The following GK5 variants were observed in gnomAD, a reference collection of about 807,000 sequenced individuals.
GK5 encodes glycerol kinase 5, also known as ATP:glycerol 3-phosphotransferase 5.
A neutral mutation model predicts 77.3 loss-of-function variants in GK5; 39 were observed. The ratio of observed to expected loss-of-function variants is 0.50; its 90% confidence interval spans 0.39 to 0.66. GK5 has a LOEUF of 0.66. Among genes scored for constraint, GK5 ranks in the 30% least tolerant of loss-of-function variants. GK5 has a pLI of 0.00. For synonymous variants in GK5, 211 were observed against 208.0 expected (o/e 1.01, Z -0.13); for missense variants, 487 against 633.8 (o/e 0.77, Z 2.49).
intron 3 of GK5, among the ~76,000 whole-genome samples, chr3:142,213,284 G>C (rs1051477770): frequency 6.8e-6 from 1 of 147,470 alleles, no homozygotes; most frequent in South Asian, 2.1e-4. Flanking sequence ...TAACTTACCC[G>C]AAAGAAAGAA....
intron 3 of GK5, among the ~76,000 whole-genome samples, chr3:142,208,388 G>A (rs1328024065): frequency 2.6e-5 from 4 of 152,076 alleles, no homozygotes; most frequent in Non-Finnish European, 2.9e-5. Context: ...ATTTTCTCCT[G>A]TTTTCTTCTA....
chr3:142,202,195 T>C (rs954937550), intron 4 of GK5, among the ~76,000 whole-genome samples: 3 of 152,052 alleles, frequency 2.0e-5, no homozygotes, highest in African/African-American at 7.2e-5. Context: ...CAAACCTTGG[T>C]AAGGAGTTGG....
At chr3:142,200,324 C>T (rs2064001460) in intron 4 of GK5, among the ~76,000 whole-genome samples, 1 of 152,152 alleles carries the variant, frequency 6.6e-6, no homozygotes, top group South Asian at 2.1e-4. Context: ...TGGATCACCA[C>T]GCCTGGGTAA....
intron 5 of GK5, among the ~76,000 whole-genome samples, chr3:142,194,383 G>A (rs1379914942): frequency 6.6e-6 from 1 of 152,094 alleles, no homozygotes; most frequent in Non-Finnish European, 1.5e-5. Context: ...AAAGTTAGCT[G>A]GGCGTTGTGG....
chr3:142,186,628 T>TTA, intron 6 of GK5, 115 bp from the exon 7 acceptor site: 20 of 475,378 alleles, frequency 4.2e-5, no homozygotes, highest in East Asian at 7.2e-5. Flanking sequence ...AATGTGTATT[T>TTA]TCTTTTTTTT....
chr3:142,178,735 C>T (rs879466094), intron 11 of GK5, among the ~76,000 whole-genome samples: 2 of 152,150 alleles, frequency 1.3e-5, no homozygotes, highest in Non-Finnish European at 2.9e-5. Context: ...CATTCATGTA[C>T]ATTATTTTTG....
intron 9 of GK5, 25 bp from the exon 10 acceptor site, chr3:142,183,074 C>A: frequency 6.2e-7 from 1 of 1,611,386 alleles, no homozygotes; most frequent in Non-Finnish European, 8.5e-7. Flanking sequence ...CAAATGTAAA[C>A]CCATTGCCCT....
intron 15 of GK5, among the ~76,000 whole-genome samples, chr3:142,169,162 G>A (rs529471453): frequency 6.6e-6 from 1 of 152,226 alleles, no homozygotes; most frequent in South Asian, 2.1e-4. Flanking sequence ...CTCCACAAAC[G>A]TTGTTCAATA....
At chr3:142,172,749 A>C (rs2063555286) in intron 12 of GK5, among the ~76,000 whole-genome samples, 1 of 152,260 alleles carries the variant, frequency 6.6e-6, no homozygotes, top group Non-Finnish European at 1.5e-5. Flanking sequence ...TGGAAAATGA[A>C]GAGCAATCAC....
chr3:142,196,953 C>T (rs1315477047), intron 5 of GK5, among the ~76,000 whole-genome samples: 4 of 151,960 alleles, frequency 2.6e-5, no homozygotes, highest in African/African-American at 4.8e-5. Flanking sequence ...TTTGGGAGGC[C>T]GAGGCAGGTG....
At chr3:142,168,941 C>T (rs1422884781) in intron 15 of GK5, among the ~76,000 whole-genome samples, 2 of 152,174 alleles carry the variant, frequency 1.3e-5, no homozygotes, top group African/African-American at 4.8e-5. Flanking sequence ...ACCCTCTCCT[C>T]ACCTGACTCT....
Position 142,162,098 on chromosome 3 carries a change from C to G in GK5, c.*3524G>C, listed in dbSNP as rs1172954185. On this transcript the variant is annotated 3_prime_UTR_variant, in exon 16 of 16. Coordinates refer to ENST00000392993, the MANE Select transcript of GK5 (RefSeq NM_001039547.3). ...TACAGGTGTGAGCCACTGTGCCCAGCTGAGATTTATTTTTTCTTTATTAAT... is the reference window on the plus strand; with the variant it reads ...TACAGGTGTGAGCCACTGTGCCCAGGTGAGATTTATTTTTTCTTTATTAAT... The G allele has an allele frequency of 1.3e-5, 2 of 152,156 alleles. No homozygotes were observed. The highest frequency in any genetic ancestry group is 4.8e-5 in the African/African-American group (2 of 41,438). The allele number at this position is 152,156 out of a possible 1,614,324, so 9.4% of individuals were successfully genotyped here.
intron 2 of GK5, among the ~76,000 whole-genome samples, chr3:142,214,452 T>G (rs1348567191): frequency 1.3e-5 from 2 of 152,182 alleles, no homozygotes; most frequent in Non-Finnish European, 2.9e-5. Flanking sequence ...AATCTATTTA[T>G]CCCACCGGGA....
rs573042635 is a variant in GK5, at chr3:142,173,781, G to A, written c.1144-1325C>T. Among the ~76,000 whole-genome samples, 33 of 152,294 alleles carry A rather than the reference G, an allele frequency of 2.2e-4. No homozygotes were observed. In the South Asian group the frequency reaches 4.6e-3, roughly 21 times the overall value. ...CACAGTCTCACAAGGAAACAGACAA[G>A]AGTCTCACAAGAGCGCTAACACATC... On this transcript the variant is annotated intron_variant, in intron 12 of 15. Coordinates refer to ENST00000392993, the MANE Select transcript of GK5 (RefSeq NM_001039547.3).
At chr3:142,188,464 G>A (rs138846565) in intron 5 of GK5, among the ~76,000 whole-genome samples, 5,281 of 152,274 alleles carry the variant, frequency 0.035, 303 homozygotes, top group African/African-American at 0.12. Context: ...AAGCTGGGAG[G>A]TGGAGCTTGC....
At chr3:142,201,501 A>G (rs1352925041) in intron 4 of GK5, among the ~76,000 whole-genome samples, 8 of 152,190 alleles carry the variant, frequency 5.3e-5, no homozygotes, top group African/African-American at 1.2e-4. Flanking sequence ...AGGGAGGTGT[A>G]TAGGAGAGTG....
intron 11 of GK5, among the ~76,000 whole-genome samples, chr3:142,178,445 C>A (rs1034430387): frequency 7.9e-5 from 12 of 152,066 alleles, no homozygotes; most frequent in Non-Finnish European, 1.6e-4. Flanking sequence ...GATATACAGA[C>A]CAGAAAAATG....
At chr3:142,167,973 T>C (rs558259633) in intron 15 of GK5, among the ~76,000 whole-genome samples, 3 of 152,088 alleles carry the variant, frequency 2.0e-5, no homozygotes, top group Admixed American at 1.3e-4. Flanking sequence ...GATTGCGCCA[T>C]TGCACTCCAG....
Position 142,225,495 on chromosome 3 carries a change from G to C in GK5, c.-40C>G, listed in dbSNP as rs1460225358. On this transcript the variant is annotated 5_prime_UTR_variant, in exon 1 of 16. Coordinates refer to ENST00000392993, the MANE Select transcript of GK5 (RefSeq NM_001039547.3). ...CCTCTCCGCTACAGCCGCCTACCCA[G>C]AGGGCGCGCTACAAATCCCAATGCT... 5 of 1,586,464 alleles carry C rather than the reference G, an allele frequency of 3.2e-6. No individual in the cohort carries two copies. In the African/African-American group the frequency reaches 6.8e-5, roughly 22 times the overall value.
Sources: gnomAD v4.1 joint callset for allele counts (sites outside exome capture counted in the v4.1 genomes callset) on GRCh38, gnomAD v4.1.1 for gene constraint, MANE v1.5 for transcripts, NCBI Gene and HGNC (gene_info 2026-07-23, HGNC 2026-07-21) for gene names.